The following RAD51B variants were observed in gnomAD, a reference collection of about 807,000 sequenced individuals.
RAD51B encodes DNA repair protein RAD51 homolog 2.
Under a neutral mutation model 42.2 loss-of-function variants are expected in RAD51B, and 38 were observed. The observed-to-expected ratio is 0.90, with a 90% CI of 0.70 to 1.18. The LOEUF is 1.18. Among genes scored for constraint, RAD51B ranks in the 50% most tolerant of loss-of-function variants. The pLI is 0.00. For missense variants in RAD51B, 373 were observed against 400.7 expected (o/e 0.93, Z 0.59); for synonymous variants, 154 against 145.2 (o/e 1.06, Z -0.43).
intron 7 of RAD51B, among the ~76,000 whole-genome samples, chr14:68,093,247 A>G (rs1470969736): frequency 3.3e-5 from 5 of 152,026 alleles, no homozygotes; most frequent in Non-Finnish European, 5.9e-5. Flanking sequence ...CTCTTTTTCT[A>G]TTGATAGGAA....
At chr14:68,380,222 G>A (rs1419619436) in intron 8 of RAD51B, among the ~76,000 whole-genome samples, 1 of 152,212 alleles carries the variant, frequency 6.6e-6, no homozygotes, top group Admixed American at 6.5e-5. Flanking sequence ...CCAATGAGGA[G>A]CTTACTTTTC....
At chr14:68,149,044 C>T (rs891231967) in intron 7 of RAD51B, among the ~76,000 whole-genome samples, 1 of 152,154 alleles carries the variant, frequency 6.6e-6, no homozygotes. Flanking sequence ...ATCTTTTACT[C>T]ATTTTTAAAA....
intron 7 of RAD51B, among the ~76,000 whole-genome samples, chr14:67,990,286 C>T (rs1290642452): frequency 6.6e-6 from 1 of 152,164 alleles, no homozygotes; most frequent in East Asian, 1.9e-4. Flanking sequence ...TAAGCCACCA[C>T]GCCTGGCCAT....
chr14:67,978,673 C>A (rs1260608693), intron 7 of RAD51B, among the ~76,000 whole-genome samples: 1 of 152,162 alleles, frequency 6.6e-6, no homozygotes, highest in Non-Finnish European at 1.5e-5. Flanking sequence ...TTTCTCTAGC[C>A]ACTACCCTAT....
intron 7 of RAD51B, among the ~76,000 whole-genome samples, chr14:68,234,364 A>G (rs1004935595): frequency 2.0e-5 from 3 of 152,254 alleles, no homozygotes; most frequent in African/African-American, 7.2e-5. Flanking sequence ...GGGTCAAGAA[A>G]GAAAGCTGAG....
At chr14:68,372,086 G>GCCAA (rs2083276716) in intron 8 of RAD51B, among the ~76,000 whole-genome samples, 1 of 152,194 alleles carries the variant, frequency 6.6e-6, no homozygotes, top group Non-Finnish European at 1.5e-5. Flanking sequence ...TTTTCTGGAA[G>GCCAA]CCAAGTGAAG....
intron 8 of RAD51B, among the ~76,000 whole-genome samples, chr14:68,312,429 T>C (rs1156437370): frequency 6.6e-6 from 1 of 152,228 alleles, no homozygotes; most frequent in Non-Finnish European, 1.5e-5. Context: ...AAGACAAGGA[T>C]GGGATGAAGG....
intron 7 of RAD51B, among the ~76,000 whole-genome samples, chr14:68,273,040 G>C (rs1566776209): frequency 1.3e-5 from 2 of 152,012 alleles, no homozygotes; most frequent in South Asian, 4.2e-4. Context: ...ATGATGTCCT[G>C]TGGGGTCCTG....
At chr14:68,072,051 A>ATT (rs1426806046) in intron 7 of RAD51B, among the ~76,000 whole-genome samples, 2 of 120,794 alleles carry the variant, frequency 1.7e-5, no homozygotes, top group African/African-American at 8.2e-5. Context: ...ATATATATAT[A>ATT]ATTATATATA....
chr14:68,401,053 GC>G (rs1477728748), intron 8 of RAD51B, among the ~76,000 whole-genome samples: 12 of 152,152 alleles, frequency 7.9e-5, no homozygotes, highest in African/African-American at 2.4e-4. Context: ...TTCTTCTTAT[GC>G]CTACTATTGT....
chr14:68,071,568 T>C (rs1354081828), intron 7 of RAD51B, among the ~76,000 whole-genome samples: 1 of 152,180 alleles, frequency 6.6e-6, no homozygotes, highest in African/African-American at 2.4e-5. Context: ...ATTTATTGAT[T>C]TGTGTATGTT....
chr14:68,541,721 G>C (rs1424420851), intron 10 of RAD51B: 1 of 985,340 alleles, frequency 1.0e-6, no homozygotes, highest in East Asian at 1.1e-4. Flanking sequence ...AGCTGGCAAA[G>C]TGGAATTTGT....
chr14:68,288,334 G>A (rs1257823308), intron 7 of RAD51B, among the ~76,000 whole-genome samples: 2 of 152,202 alleles, frequency 1.3e-5, no homozygotes, highest in African/African-American at 4.8e-5. Context: ...GGCATGATTA[G>A]CAAAGCCCTG....
At chr14:68,364,898 C>G (rs1449550566) in intron 8 of RAD51B, among the ~76,000 whole-genome samples, 1 of 152,214 alleles carries the variant, frequency 6.6e-6, no homozygotes, top group Non-Finnish European at 1.5e-5. Flanking sequence ...TTTTCCCGCT[C>G]AAGCTCCCTG....
intron 7 of RAD51B, among the ~76,000 whole-genome samples, chr14:68,221,486 A>G (rs1373326625): frequency 6.6e-6 from 1 of 152,248 alleles, no homozygotes; most frequent in African/African-American, 2.4e-5. Flanking sequence ...TTGGCAAGCC[A>G]CATGTAGGAG....
chr14:68,443,360 A>ATAGG (rs2085346563), intron 9 of RAD51B, among the ~76,000 whole-genome samples: 1 of 152,138 alleles, frequency 6.6e-6, no homozygotes, highest in Admixed American at 6.5e-5. Context: ...GAGTGGACGA[A>ATAGG]TAGGTCTGTT....
chr14:68,653,953 G>A (rs1018948061), intron 11 of RAD51B, among the ~76,000 whole-genome samples: 4 of 152,260 alleles, frequency 2.6e-5, no homozygotes, highest in African/African-American at 9.6e-5. Flanking sequence ...ATGAATGGGG[G>A]CTGGCCCCAG....
chr14:68,273,542 G>A (rs536899343), intron 7 of RAD51B, among the ~76,000 whole-genome samples: 4 of 152,322 alleles, frequency 2.6e-5, no homozygotes, highest in African/African-American at 9.6e-5. Flanking sequence ...GGGGAGTTAA[G>A]TGATTCAAAT....
At chr14:67,917,583 A>C (rs1308681425) in intron 7 of RAD51B, among the ~76,000 whole-genome samples, 1 of 152,196 alleles carries the variant, frequency 6.6e-6, no homozygotes, top group African/African-American at 2.4e-5. Context: ...AAACCATATC[A>C]CAGATGATGA....
Sources: allele counts gnomAD v4.1 joint callset (sites outside exome capture counted in the v4.1 genomes callset), GRCh38; gene constraint gnomAD v4.1.1; transcripts MANE v1.5; gene names NCBI Gene and HGNC (gene_info 2026-07-23, HGNC 2026-07-21).